Variants in TMEM71 observed in about 807,000 individuals in gnomAD.
TMEM71 encodes transmembrane protein 71.
A neutral mutation model predicts 38.0 loss-of-function variants in TMEM71; 44 were observed. That is an observed-to-expected ratio of 1.16 (90% CI 0.91 to 1.49). The LOEUF is 1.49. Ranked by LOEUF, TMEM71 falls within the 40% of genes most tolerant of loss-of-function variation. TMEM71 has a pLI of 0.00. For synonymous variants in TMEM71, 133 were observed against 122.5 expected, an observed-to-expected ratio of 1.09 and a Z score of -0.56; for missense variants, 367 against 348.6, an observed-to-expected ratio of 1.05 and a Z score of -0.42.
intron 7 of TMEM71, among the ~76,000 whole-genome samples, chr8:132,718,461 A>G (rs1202566633): frequency 2.7e-5 from 4 of 147,948 alleles, no homozygotes; most frequent in African/African-American, 1.0e-4. Flanking sequence ...GCAGTGGCAC[A>G]ATCTCGGCTC....
Position 132,747,127 on chromosome 8 carries a change from G to T in TMEM71, c.315-13C>A. 1 of 1,577,614 alleles carries T rather than the reference G, an allele frequency of 6.3e-7. No individual in the cohort carries two copies. Among genetic ancestry groups the T allele is most frequent in the South Asian group, 1.2e-5 (1 of 86,110 alleles). On this transcript the variant is annotated splice_polypyrimidine_tract_variant and intron_variant, in intron 4 of 9. Coordinates refer to ENST00000677595, the MANE Select transcript of TMEM71 (RefSeq NM_001382403.1). ...CTTTCTAAATATCCTAGAGAGAAAT[G>T]AAAGCATGGTGAACAACGAATAATA...
chr8:132,733,209 A>AG (rs1051340244), intron 5 of TMEM71, among the ~76,000 whole-genome samples: 16 of 152,186 alleles, frequency 1.1e-4, no homozygotes, highest in African/African-American at 3.6e-4. Context: ...ACTAGACAAA[A>AG]GGCTCCGTGA....
At chr8:132,775,692 G>C in the TMEM71 span, 1 of 323,716 alleles carries the variant, frequency 3.1e-6, no homozygotes, top group East Asian at 4.8e-5. Context: ...GGCCCCCGCC[G>C]GGCCGCCCGG....
downstream of TMEM71, among the ~76,000 whole-genome samples, chr8:132,707,430 G>T (rs1329841795): frequency 6.6e-6 from 1 of 152,162 alleles, no homozygotes; most frequent in African/African-American, 2.4e-5. Context: ...TTAATCCCCA[G>T]TGCAACAGTG....
the TMEM71 span, among the ~76,000 whole-genome samples, chr8:132,770,635 A>G: frequency 1.3e-5 from 2 of 152,252 alleles, no homozygotes; most frequent in African/African-American, 4.8e-5. Flanking sequence ...TTTTCACTGA[A>G]TCAAACTCAC....
downstream of TMEM71, among the ~76,000 whole-genome samples, chr8:132,708,537 T>G (rs1235562366): frequency 6.6e-6 from 1 of 152,222 alleles, no homozygotes; most frequent in African/African-American, 2.4e-5. Flanking sequence ...GGTCTTTAAC[T>G]GCGTCCTCTG....
intron 5 of TMEM71, among the ~76,000 whole-genome samples, chr8:132,735,766 A>G (rs1827714192): frequency 6.6e-6 from 1 of 152,246 alleles, no homozygotes; most frequent in Non-Finnish European, 1.5e-5. Context: ...TAGAACAGTG[A>G]TTCTCAGACT....
At chr8:132,746,426 T>C (rs1259524650) in intron 5 of TMEM71, among the ~76,000 whole-genome samples, 1 of 19,922 alleles carries the variant, frequency 5.0e-5, no homozygotes, top group Non-Finnish European at 1.4e-4. Context: ...CACATATATA[T>C]ACATATATAT....
At chr8:132,738,090 G>T (rs1221145184) in intron 5 of TMEM71, among the ~76,000 whole-genome samples, 1 of 152,134 alleles carries the variant, frequency 6.6e-6, no homozygotes, top group Non-Finnish European at 1.5e-5. Flanking sequence ...ATTCATAAGA[G>T]ATATTAGAAG....
chr8:132,714,211 A>G lies in TMEM71; in HGVS notation c.757T>C (p.Phe253Leu). 6.2e-7 allele frequency: 1 copy of G among 1,610,516 alleles called. No individual in the cohort carries two copies. Residue 253 changes from phenylalanine (F) to leucine (L), a missense_variant, in exon 8 of 10, where the codon TTT becomes CTT. Coordinates refer to ENST00000677595, the MANE Select transcript of TMEM71 (RefSeq NM_001382403.1). Reference protein sequence around the residue: ...CLIISACARWFMGEILASVFT... With the variant: ...CLIISACARWLMGEILASVFT... ...ACACTGGCTAATATTTCTCCCATAA[A>G]CCATCTGAAACAACAAGATTGCTCT...
chr8:132,723,353 C>T (rs1171186657), intron 6 of TMEM71, among the ~76,000 whole-genome samples: 1 of 152,156 alleles, frequency 6.6e-6, no homozygotes, highest in Admixed American at 6.5e-5. Flanking sequence ...GATCACTAGA[C>T]TTGGATACTG....
intron 4 of TMEM71, among the ~76,000 whole-genome samples, chr8:132,749,466 G>T (rs1828571028): frequency 6.6e-6 from 1 of 152,200 alleles, no homozygotes; most frequent in Non-Finnish European, 1.5e-5. Flanking sequence ...ATGAGTCTAA[G>T]GTCTCCCCAG....
At chr8:132,774,063 G>C in the TMEM71 span, among the ~76,000 whole-genome samples, 2 of 152,202 alleles carry the variant, frequency 1.3e-5, no homozygotes, top group Non-Finnish European at 2.9e-5. Flanking sequence ...AAACTTTGGT[G>C]AGCTGGCATT....
At chr8:132,768,951 A>G in the TMEM71 span, among the ~76,000 whole-genome samples, 1 of 152,252 alleles carries the variant, frequency 6.6e-6, no homozygotes, top group African/African-American at 2.4e-5. Flanking sequence ...TAACACTTAC[A>G]ATGTATTGAA....
chr8:132,722,064 C>T lies in TMEM71; in HGVS notation c.728G>A (p.Cys243Tyr). ...VFFQAILLAV[C>Y]LIISACARWF... is the part of the protein sequence containing the mutation. ...CCTTGCACATGCAGAAATGATTAAG[C>T]ACACAGCAAGCAGGATTGCCTGAAA... The change falls in exon 7 of 10, where the codon TGC becomes TAC. Residue 243 changes from cysteine to tyrosine, a missense_variant. By Grantham distance (194) the Cys-to-Tyr change is radical. Coordinates refer to ENST00000677595, the MANE Select transcript of TMEM71 (RefSeq NM_001382403.1). 6.2e-7 allele frequency: 1 copy of T among 1,614,016 alleles called. No homozygotes were observed. Among genetic ancestry groups the T allele is most frequent in the Non-Finnish European group, 8.5e-7 (1 of 1,179,942 alleles).
At chr8:132,772,018 G>C in the TMEM71 span, among the ~76,000 whole-genome samples, 3 of 152,120 alleles carry the variant, frequency 2.0e-5, no homozygotes, top group African/African-American at 7.2e-5. Flanking sequence ...TATCACAGTA[G>C]TTTACGTTTC....
chr8:132,771,482 T>A, the TMEM71 span, among the ~76,000 whole-genome samples: 101 of 152,212 alleles, frequency 6.6e-4, 1 homozygote, highest in Non-Finnish European at 4.0e-4. Context: ...CTAAAAGTTT[T>A]AAAAATCTCA....
rs771669344 is a variant in TMEM71 at position 132,727,772 on chromosome 8, C to G, written c.676+26G>C. 9.0e-6 allele frequency: 14 copies of G among 1,548,012 alleles called. No homozygotes were observed. In the Admixed American group the frequency reaches 1.8e-4, roughly 20 times the overall value. On this transcript the variant is annotated intron_variant, in intron 6 of 9. Transcript: ENST00000677595. ...GAAAGGAAGAATTCTTTGGGTGTGGCAAATATTTAAAACACCTGAACTCAC... is the reference window on the plus strand; with the variant it reads ...GAAAGGAAGAATTCTTTGGGTGTGGGAAATATTTAAAACACCTGAACTCAC...
At chr8:132,744,669 T>A (rs941394370) in intron 5 of TMEM71, among the ~76,000 whole-genome samples, 1 of 152,156 alleles carries the variant, frequency 6.6e-6, no homozygotes, top group Non-Finnish European at 1.5e-5. Context: ...TTCACAGGGT[T>A]GGAAAAACTA....
Sources: gnomAD v4.1 joint callset for allele counts (sites outside exome capture counted in the v4.1 genomes callset) on GRCh38, gnomAD v4.1.1 for gene constraint, MANE v1.5 for transcripts, NCBI Gene and HGNC (gene_info 2026-07-23, HGNC 2026-07-21) for gene names.